The following ACTN2 variants were observed in gnomAD, a reference collection of about 807,000 sequenced individuals.
The protein encoded by ACTN2 is alpha-actinin-2.
ACTN2 carries 39 observed loss-of-function variants against 113.8 expected under a neutral mutation model. That is an observed-to-expected ratio of 0.34 (90% confidence interval 0.27 to 0.45). The LOEUF is 0.45. ACTN2 is among the 20% of genes least tolerant of loss of function. ACTN2 has a pLI of 1.00. For synonymous variants in ACTN2, 429 were observed against 444.1 expected (o/e 0.97, Z 0.43); for missense variants, 992 against 1,177.9 (o/e 0.84, Z 2.31).
chr1:236,734,564 G>A (rs981636725), intron 7 of ACTN2: 73 of 1,391,714 alleles, frequency 5.2e-5, no homozygotes, highest in Non-Finnish European at 7.0e-5. Flanking sequence ...CACCTTCTGT[G>A]TCTTAATTTT....
chr1:236,737,419 C>G (rs535124639), intron 9 of ACTN2, among the ~76,000 whole-genome samples: 61 of 149,416 alleles, frequency 4.1e-4, no homozygotes, highest in Non-Finnish European at 8.5e-4. Flanking sequence ...AAACATAATC[C>G]CCAGTGGTCT....
intron 1 of ACTN2, among the ~76,000 whole-genome samples, chr1:236,717,027 G>A (rs1039439406): frequency 6.6e-6 from 1 of 151,080 alleles, no homozygotes; most frequent in African/African-American, 2.4e-5. Flanking sequence ...TAGAGACGGG[G>A]TTTTACCATG....
intron 9 of ACTN2, 83 bp downstream of exon 9, chr1:236,737,297 G>GTATATGTA: frequency 3.1e-6 from 1 of 318,344 alleles, no homozygotes; most frequent in Non-Finnish European, 6.4e-6. Flanking sequence ...CTCCGTGGGG[G>GTATATGTA]CATATATATA....
intron 8 of ACTN2, 25 bp downstream of exon 8, chr1:236,735,745 C>G (rs1366148226): frequency 6.2e-7 from 1 of 1,601,036 alleles, no homozygotes; most frequent in African/African-American, 1.3e-5. Flanking sequence ...TCCGTCCGGG[C>G]TGTTGTGTTA....
At chr1:236,716,984 G>A (rs1270993273) in intron 1 of ACTN2, among the ~76,000 whole-genome samples, 1 of 151,704 alleles carries the variant, frequency 6.6e-6, no homozygotes, top group South Asian at 2.1e-4. Flanking sequence ...ACAGGCACAC[G>A]TTACCACACC....
intron 1 of ACTN2, among the ~76,000 whole-genome samples, chr1:236,691,345 T>G (rs1440965760): frequency 3.3e-5 from 5 of 151,864 alleles, no homozygotes; most frequent in Non-Finnish European, 7.4e-5. Context: ...TAATAATAAG[T>G]GCAAGAATAA....
At chr1:236,749,332 T>C in intron 14 of ACTN2, 68 bp downstream of exon 14, 1 of 1,590,460 alleles carries the variant, frequency 6.3e-7, no homozygotes, top group Non-Finnish European at 8.6e-7. Context: ...TTAAGAGTCC[T>C]GTTATTTGGT....
intron 4 of ACTN2, among the ~76,000 whole-genome samples, chr1:236,723,038 G>A (rs1658447775): frequency 6.6e-6 from 1 of 152,172 alleles, no homozygotes; most frequent in South Asian, 2.1e-4. Flanking sequence ...CACATATTCA[G>A]GCAGAAATTA....
intron 12 of ACTN2, 33 bp downstream of exon 12, chr1:236,744,809 C>T: frequency 1.2e-6 from 2 of 1,613,682 alleles, no homozygotes; most frequent in South Asian, 1.1e-5. Context: ...CTCCCGGGAG[C>T]CCCTGGGATT....
In ACTN2 at chr1:236,761,179, C is replaced by T; in HGVS notation, c.2526+6C>T. 6.2e-7 allele frequency: 1 copy of T among 1,614,128 alleles called. No homozygotes were observed. Among genetic ancestry groups the T allele is most frequent in the Non-Finnish European group, 8.5e-7 (1 of 1,180,038 alleles). On this transcript the variant is annotated splice_donor_region_variant and intron_variant, in intron 20 of 20. Transcript: ENST00000366578. ...GGATCCTGGCTTCTGATAAGGTCTG[C>T]ATTGACAGATTTCCTTCTGCTTTAG...
rs1491444244 is a variant in ACTN2, at chr1:236,709,328, A to ACG, written c.127-8530_127-8529insCG. On this transcript the variant is annotated intron_variant, in intron 1 of 20. Transcript: ENST00000366578. ...TATACGTATATATGTATATATATAC[A>ACG]TGTATATATATACGTGTATATATAT... Among the ~76,000 whole-genome samples the ACG allele has an allele frequency of 4.2e-4, 57 of 137,000 alleles. No homozygotes were observed. The East Asian group carries it at 8.3e-3, about 20-fold the overall frequency. The allele number at this position is 137,000 out of a possible 152,430, so 89.9% of individuals were successfully genotyped here.
intron 10 of ACTN2, among the ~76,000 whole-genome samples, chr1:236,739,979 T>C (rs1659018734): frequency 6.6e-6 from 1 of 152,202 alleles, no homozygotes; most frequent in African/African-American, 2.4e-5. Context: ...ACAAAAGTGC[T>C]GTCAAATCTG....
chr1:236,736,386 G>A (rs996439364), intron 8 of ACTN2, among the ~76,000 whole-genome samples: 2 of 152,234 alleles, frequency 1.3e-5, no homozygotes, highest in African/African-American at 4.8e-5. Flanking sequence ...GGCTGATGAG[G>A]ACTTTAAAGG....
At chr1:236,745,987 C>T (rs1659222897) in intron 12 of ACTN2, among the ~76,000 whole-genome samples, 1 of 151,604 alleles carries the variant, frequency 6.6e-6, no homozygotes, top group African/African-American at 2.4e-5. Flanking sequence ...CACGGTGAAA[C>T]CCCGTATCTA....
intron 1 of ACTN2, among the ~76,000 whole-genome samples, chr1:236,687,892 T>C (rs1180908219): frequency 6.6e-6 from 1 of 152,246 alleles, no homozygotes; most frequent in Non-Finnish European, 1.5e-5. Flanking sequence ...TCAGGATGTC[T>C]CTTGTCTACC....
Position 236,712,724 on chromosome 1 carries a change from A to C in ACTN2, c.127-5134A>C, listed in dbSNP as rs371192948. On this transcript the variant is annotated intron_variant, in intron 1 of 20. Coordinates refer to ENST00000366578, the MANE Select transcript of ACTN2 (RefSeq NM_001103.4). ...AACAGACTTTCTGTGGTTTGGGGTC[A>C]GGAAGCTTGGGATTTCATGAGCAGC... 1.6e-4 allele frequency among the ~76,000 whole-genome samples: 24 copies of C among 152,292 alleles called. No individual in the cohort carries two copies. The East Asian group carries it at 3.5e-3, about 22-fold the overall frequency.
chr1:236,751,361 G>C, intron 14 of ACTN2, 109 bp from the exon 15 acceptor site: 1 of 1,331,888 alleles, frequency 7.5e-7, no homozygotes, highest in Non-Finnish European at 1.0e-6. Context: ...TTTCTCCAGA[G>C]ACTCTTGCAA....
intron 17 of ACTN2, 77 bp downstream of exon 17, chr1:236,755,275 C>A: frequency 6.5e-7 from 1 of 1,534,842 alleles, no homozygotes; most frequent in Middle Eastern, 1.9e-4. Flanking sequence ...TTTCTTCATG[C>A]ACTTGTCTTT....
At position 236,697,312 on chromosome 1, in the gene ACTN2, C is replaced by A. The variant is rs188311087; in HGVS notation, c.126+10513C>A. Among the ~76,000 whole-genome samples, 7 of 152,200 alleles carry A rather than the reference C, an allele frequency of 4.6e-5. No individual in the cohort carries two copies. In the East Asian group the frequency reaches 1.4e-3, roughly 29 times the overall value. ...TTGTATTCCAGCCTGGGCAACAGAGCAAGACCCTGTCTCAAAAAAAATATG... is the reference window on the plus strand; with the variant it reads ...TTGTATTCCAGCCTGGGCAACAGAGAAAGACCCTGTCTCAAAAAAAATATG... On this transcript the variant is annotated intron_variant, in intron 1 of 20. Transcript: ENST00000366578.
Sources: gnomAD v4.1 joint callset for allele counts (sites outside exome capture counted in the v4.1 genomes callset) on GRCh38, gnomAD v4.1.1 for gene constraint, MANE v1.5 for transcripts, NCBI Gene and HGNC (gene_info 2026-07-23, HGNC 2026-07-21) for gene names.